The following SLC5A12 variants were observed in gnomAD, a reference collection of about 807,000 sequenced individuals.
The protein encoded by SLC5A12 is sodium-coupled monocarboxylate transporter 2.
SLC5A12 carries 46 observed loss-of-function variants against 72.7 expected under a neutral mutation model. The ratio of observed to expected loss-of-function variants is 0.63; its 90% CI spans 0.50 to 0.81. The LOEUF is 0.81. Ranked by LOEUF, SLC5A12 falls within the 30% of genes least tolerant of loss-of-function variation. The probability of loss-of-function intolerance (pLI) is 0.00; values close to 1 mark genes in which losing one functional copy is unlikely to be tolerated. For synonymous variants in SLC5A12, 275 were observed against 264.4 expected (o/e 1.04, Z -0.39); for missense variants, 683 against 740.7 (o/e 0.92, Z 0.90).
At chr11:26,716,243 G>A (rs963154554) in intron 1 of SLC5A12, 2 of 152,258 alleles carry the variant, frequency 1.3e-5, no homozygotes, top group African/African-American at 4.8e-5. Context: ...TACAAAGACA[G>A]TACTAGGGAA....
rs1854063018 is a variant in SLC5A12 at position 26,668,976 on chromosome 11, A to G, written c.*2126T>C. The G allele has an allele frequency of 6.6e-6, 1 of 151,958 alleles. No individual in the cohort carries two copies. The highest frequency in any genetic ancestry group is 2.4e-5 in the African/African-American group (1 of 41,424). The allele number at this position is 151,958 out of a possible 1,614,324, so 9.4% of individuals were successfully genotyped here. Reference sequence around the variant, plus strand: ...ATTTGTGAGTAAAATGAAAAATTGTATGGTATATTTTGCTTTTATGCTATC... The same window carrying G: ...ATTTGTGAGTAAAATGAAAAATTGTGTGGTATATTTTGCTTTTATGCTATC... On this transcript the variant is annotated 3_prime_UTR_variant, in exon 15 of 15. Coordinates refer to ENST00000396005, the MANE Select transcript of SLC5A12 (RefSeq NM_178498.4).
At chr11:26,703,704 T>C (rs1362368345) in intron 5 of SLC5A12, 33 bp from the exon 6 acceptor site, 6 of 1,613,378 alleles carry the variant, frequency 3.7e-6, no homozygotes, top group Non-Finnish European at 5.1e-6. Context: ...TGAACAAAGA[T>C]ATTCCTTTGA....
At chr11:26,687,572 A>C (rs1854567249) in intron 9 of SLC5A12, among the ~76,000 whole-genome samples, 1 of 152,188 alleles carries the variant, frequency 6.6e-6, no homozygotes, top group South Asian at 2.1e-4. Context: ...ACTGCTTGCA[A>C]ATTAATCCAA....
At chr11:26,674,268 G>T (rs534461700) in intron 13 of SLC5A12, among the ~76,000 whole-genome samples, 3 of 152,032 alleles carry the variant, frequency 2.0e-5, no homozygotes, top group South Asian at 2.1e-4. Flanking sequence ...GTAGTGTAAA[G>T]ATCCCTAGAG....
chr11:26,696,330 T>C (rs1224023005), intron 8 of SLC5A12, among the ~76,000 whole-genome samples: 1 of 152,202 alleles, frequency 6.6e-6, no homozygotes, highest in East Asian at 1.9e-4. Flanking sequence ...TGATTTTGTA[T>C]TTAGAATAAT....
In SLC5A12 at chr11:26,668,798, T is replaced by G. The variant is rs1395035408; in HGVS notation, c.*2304A>C. Reference sequence around the variant, plus strand: ...CATTACACAAGAGAAGGCAGAGATATTTTTATAATAATAATTGCATTTTCC... The same window carrying G: ...CATTACACAAGAGAAGGCAGAGATAGTTTTATAATAATAATTGCATTTTCC... On this transcript the variant is annotated 3_prime_UTR_variant, in exon 15 of 15. Transcript: ENST00000396005. 6.6e-6 allele frequency: 1 copy of G among 152,008 alleles called. No homozygotes were observed. Among genetic ancestry groups the G allele is most frequent in the Non-Finnish European group, 1.5e-5 (1 of 67,966 alleles). 9.4% of individuals were successfully genotyped at this position (152,008 alleles called of 1,614,324 possible).
intron 9 of SLC5A12, among the ~76,000 whole-genome samples, chr11:26,687,591 T>C (rs964503299): frequency 2.0e-5 from 3 of 152,244 alleles, no homozygotes; most frequent in African/African-American, 4.8e-5. Flanking sequence ...AACAAGTATA[T>C]GCACATACCC....
chr11:26,711,489 A>C, intron 2 of SLC5A12, 131 bp from the exon 3 acceptor site: 1 of 729,066 alleles, frequency 1.4e-6, no homozygotes, highest in Non-Finnish European at 2.4e-6. Flanking sequence ...ATTCCTGTTG[A>C]CTCTAATTTT....
chr11:26,678,730 T>C lies in SLC5A12; in HGVS notation c.1561A>G (p.Ile521Val). Residue 521 changes from isoleucine (I) to valine (V), a missense_variant, in exon 13 of 15, where the codon ATC (isoleucine) becomes GTC (valine). Transcript: ENST00000396005. ...AACCAACCTGTTATGAGGCTGATGATTACTCCAGCAACAATGCATCCTAAG... is the reference window on the plus strand; with the variant it reads ...AACCAACCTGTTATGAGGCTGATGACTACTCCAGCAACAATGCATCCTAAG... ...GCLGCIVAGV[I>V]ISLITGRQRG... The C allele has an allele frequency of 6.2e-7, 1 of 1,612,718 alleles. No homozygotes were observed. Among genetic ancestry groups the C allele is most frequent in the Non-Finnish European group, 8.5e-7 (1 of 1,179,190 alleles).
Position 26,671,177 on chromosome 11 carries a change from G to A in SLC5A12, c.1782C>T (p.Ser594=), listed in dbSNP as rs182665465. 20 of 1,612,546 alleles carry A rather than the reference G, an allele frequency of 1.2e-5. No individual in the cohort carries two copies. In the East Asian group the frequency reaches 4.0e-4, roughly 32 times the overall value. Residue 594 remains serine, a synonymous_variant, in exon 15 of 15, where the codon AGC becomes AGT. Coordinates refer to ENST00000396005, the MANE Select transcript of SLC5A12 (RefSeq NM_178498.4). The part of the protein sequence containing the change: ...SVLQNGLRRE[S]LVHVPGYDPK... ...GATCATAGCCTGGAACATGTACCAG[G>A]CTTTCTCTTCTGAGTCCGTTCTGTA...
intron 1 of SLC5A12, among the ~76,000 whole-genome samples, chr11:26,717,393 G>A (rs989112003): frequency 1.3e-5 from 2 of 152,090 alleles, no homozygotes; most frequent in Non-Finnish European, 2.9e-5. Flanking sequence ...ATTTATGAGT[G>A]TATGATAAGA....
chr11:26,679,737 A>T (rs1470224645), intron 12 of SLC5A12, among the ~76,000 whole-genome samples: 1 of 152,198 alleles, frequency 6.6e-6, no homozygotes, highest in Non-Finnish European at 1.5e-5. Flanking sequence ...AGTTAATAAC[A>T]TTAAAACCAC....
chr11:26,712,673 A>G lies in SLC5A12; in HGVS notation c.373T>C (p.Tyr125His), dbSNP rs1396891983. ...LQLRFNKPVR[Y>H]AATVIYIVQT... is the part of the protein sequence containing the mutation. Reference sequence around the variant, plus strand: ...ACAATGTAGATGACCGTGGCAGCATAGCGAACTGGTTTGTTGAATCGTAGT... The same window carrying G: ...ACAATGTAGATGACCGTGGCAGCATGGCGAACTGGTTTGTTGAATCGTAGT... The change falls in exon 2 of 15, where the codon TAT becomes CAT. Residue 125 changes from tyrosine (Y) to histidine (H), a missense_variant. Tyr to His is a moderately conservative substitution (Grantham distance 83). Coordinates refer to ENST00000396005, the MANE Select transcript of SLC5A12 (RefSeq NM_178498.4). The G allele has an allele frequency of 6.3e-7, 1 of 1,591,292 alleles. No homozygotes were observed. The highest frequency in any genetic ancestry group is 1.3e-5 in the African/African-American group (1 of 74,764).
At chr11:26,712,832 C>T (rs551274120) in intron 1 of SLC5A12, 126 bp from the exon 2 acceptor site, 8 of 443,532 alleles carry the variant, frequency 1.8e-5, no homozygotes, top group South Asian at 1.7e-4. Flanking sequence ...TGATATGTAT[C>T]CTTAGAAGCA....
At chr11:26,711,454 C>T in intron 2 of SLC5A12, 96 bp from the exon 3 acceptor site, 2 of 910,394 alleles carry the variant, frequency 2.2e-6, no homozygotes, top group South Asian at 2.8e-5. Context: ...CTTGTATTCT[C>T]TTCAACTTGT....
At chr11:26,680,073 T>A (rs1854356490) in intron 12 of SLC5A12, among the ~76,000 whole-genome samples, 1 of 151,786 alleles carries the variant, frequency 6.6e-6, no homozygotes, top group South Asian at 2.1e-4. Flanking sequence ...GAATGCAATT[T>A]GCCACATTAT....
At chr11:26,716,946 C>T (rs991708548) in intron 1 of SLC5A12, among the ~76,000 whole-genome samples, 1 of 152,038 alleles carries the variant, frequency 6.6e-6, no homozygotes, top group Admixed American at 6.6e-5. Flanking sequence ...TGTAATGACC[C>T]ATCATTTCTA....
intron 13 of SLC5A12, among the ~76,000 whole-genome samples, chr11:26,674,496 T>C (rs1416781266): frequency 2.0e-5 from 3 of 151,964 alleles, no homozygotes; most frequent in Non-Finnish European, 1.5e-5. Context: ...GTCTCCCGGG[T>C]TCAAGTGATT....
At chr11:26,676,546 A>G (rs1288582867) in intron 13 of SLC5A12, among the ~76,000 whole-genome samples, 1 of 152,188 alleles carries the variant, frequency 6.6e-6, no homozygotes, top group Non-Finnish European at 1.5e-5. Context: ...ACTGAAAAAC[A>G]GAGTAGCATC....
Sources: allele counts gnomAD v4.1 joint callset (sites outside exome capture counted in the v4.1 genomes callset), GRCh38; gene constraint gnomAD v4.1.1; transcripts MANE v1.5; gene names NCBI Gene and HGNC (gene_info 2026-07-23, HGNC 2026-07-21).